Variants in TNFRSF10A observed in about 807,000 individuals in gnomAD.
The protein encoded by TNFRSF10A is tumor necrosis factor receptor superfamily member 10A.
TNFRSF10A carries 44 observed loss-of-function variants against 42.8 expected under a neutral mutation model. That is an observed-to-expected ratio of 1.03 (90% CI 0.81 to 1.32). The LOEUF is 1.32. TNFRSF10A is among the 40% of genes most tolerant of loss of function. The pLI is 0.00. For synonymous variants in TNFRSF10A, 259 were observed against 234.2 expected, an observed-to-expected ratio of 1.11 and a Z score of -0.97; for missense variants, 680 against 602.0, an observed-to-expected ratio of 1.13 and a Z score of -1.36.
intron 6 of TNFRSF10A, 148 bp from the exon 7 acceptor site, chr8:23,200,065 CTCGGGA>C (rs1224772058): frequency 2.2e-6 from 2 of 901,168 alleles, no homozygotes; most frequent in East Asian, 5.0e-5. Flanking sequence ...GCCCTGCTAA[CTCGGGA>C]GATCCTTCAG....
At chr8:23,196,385 A>T (rs1234694925) in intron 9 of TNFRSF10A, among the ~76,000 whole-genome samples, 1 of 152,006 alleles carries the variant, frequency 6.6e-6, no homozygotes, top group Non-Finnish European at 1.5e-5. Flanking sequence ...TTTAGTACAG[A>T]AGGGGTTTCA....
intron 9 of TNFRSF10A, among the ~76,000 whole-genome samples, chr8:23,195,051 C>T (rs1313517699): frequency 2.0e-5 from 3 of 152,172 alleles, no homozygotes; most frequent in African/African-American, 7.2e-5. Flanking sequence ...CCCAGCTACT[C>T]AGGAGGCTGA....
chr8:23,215,618 G>T (rs1400967225), intron 1 of TNFRSF10A, among the ~76,000 whole-genome samples: 2 of 152,050 alleles, frequency 1.3e-5, no homozygotes, highest in Admixed American at 1.3e-4. Context: ...TATTTCTTGT[G>T]GCTATTTTGC....
intron 1 of TNFRSF10A, among the ~76,000 whole-genome samples, chr8:23,221,865 C>T (rs1041421764): frequency 6.6e-6 from 1 of 151,390 alleles, no homozygotes; most frequent in African/African-American, 2.4e-5. Flanking sequence ...GGGACACGGG[C>T]ACGCTTGTGT....
intron 9 of TNFRSF10A, among the ~76,000 whole-genome samples, chr8:23,192,384 C>T (rs914652011): frequency 7.2e-5 from 11 of 152,184 alleles, no homozygotes; most frequent in African/African-American, 1.7e-4. Flanking sequence ...GCCTGGGCTG[C>T]GCTTGTCATG....
intron 2 of TNFRSF10A, among the ~76,000 whole-genome samples, chr8:23,203,912 G>T (rs1734197801): frequency 6.6e-6 from 1 of 152,032 alleles, no homozygotes; most frequent in African/African-American, 2.4e-5. Context: ...GAGTAGCTGG[G>T]ACTACAGGAG....
intron 1 of TNFRSF10A, among the ~76,000 whole-genome samples, chr8:23,223,167 G>A (rs1313165879): frequency 3.3e-5 from 5 of 152,216 alleles, no homozygotes; most frequent in Admixed American, 2.0e-4. Context: ...CCAGGTTCAC[G>A]CCATTCTCCC....
At chr8:23,214,229 T>C (rs1801142187) in intron 1 of TNFRSF10A, among the ~76,000 whole-genome samples, 1 of 152,176 alleles carries the variant, frequency 6.6e-6, no homozygotes, top group Non-Finnish European at 1.5e-5. Context: ...GGCTCATGCC[T>C]GTAATCCCAG....
intron 3 of TNFRSF10A, among the ~76,000 whole-genome samples, chr8:23,202,229 G>A (rs1028032953): frequency 3.3e-5 from 5 of 152,250 alleles, no homozygotes; most frequent in African/African-American, 4.8e-5. Flanking sequence ...TCTGCAAGAA[G>A]AGGAGCCCTT....
intron 4 of TNFRSF10A, among the ~76,000 whole-genome samples, 183 bp from the exon 5 acceptor site, chr8:23,200,943 G>A (rs1269495161): frequency 1.3e-5 from 2 of 152,182 alleles, no homozygotes; most frequent in Non-Finnish European, 2.9e-5. Flanking sequence ...GTCTGAGCAT[G>A]CACACTTTAC....
At chr8:23,199,544 A>G in intron 7 of TNFRSF10A, 96 bp from the exon 8 acceptor site, 1 of 1,439,836 alleles carries the variant, frequency 6.9e-7, no homozygotes. Context: ...ACCCCCTCCC[A>G]GTGAGGTCAC....
intron 2 of TNFRSF10A, among the ~76,000 whole-genome samples, chr8:23,208,004 G>A (rs1174523382): frequency 2.6e-5 from 4 of 152,088 alleles, no homozygotes; most frequent in Non-Finnish European, 4.4e-5. Flanking sequence ...CTGCATAACA[G>A]GCAGAGGTTG....
chr8:23,224,790 G>C lies in TNFRSF10A; in HGVS notation c.272C>G (p.Thr91Ser). 1.3e-6 allele frequency: 2 copies of C among 1,569,758 alleles called. No homozygotes were observed. Among genetic ancestry groups the C allele is most frequent in the Non-Finnish European group, 1.7e-6 (2 of 1,157,566 alleles). The change falls in exon 1 of 10, where the codon ACC (threonine) becomes AGC (serine). Residue 91 changes from threonine to serine, a missense_variant. By Grantham distance (58) the Thr-to-Ser change is moderately conservative. Coordinates refer to ENST00000221132, the MANE Select transcript of TNFRSF10A (RefSeq NM_003844.4). Reference sequence around the variant, plus strand: ...GACCCCGACGACGACAAACTTGAAGGTCTTGTGGACCCGGAGCCGAGGGCT... The same window carrying C: ...GACCCCGACGACGACAAACTTGAAGCTCTTGTGGACCCGGAGCCGAGGGCT... The part of the protein sequence containing the change: ...EASPRLRVHK[T>S]FKFVVVGVLL...
intron 6 of TNFRSF10A, 26 bp downstream of exon 6, chr8:23,200,479 A>G: frequency 6.2e-7 from 1 of 1,612,724 alleles, no homozygotes; most frequent in South Asian, 1.1e-5. Context: ...GAGTGCCCAG[A>G]GCCCTTGCCC....
At chr8:23,211,194 C>A (rs1801087681) in intron 2 of TNFRSF10A, among the ~76,000 whole-genome samples, 1 of 152,038 alleles carries the variant, frequency 6.6e-6, no homozygotes, top group Non-Finnish European at 1.5e-5. Context: ...GAATAACAAA[C>A]AAGTTCTGCA....
intron 2 of TNFRSF10A, among the ~76,000 whole-genome samples, chr8:23,206,452 C>T (rs1039728408): frequency 1.8e-4 from 27 of 152,166 alleles, no homozygotes; most frequent in African/African-American, 5.6e-4. Context: ...TTTTATTGGG[C>T]CTTTTCTATG....
chr8:23,199,404 C>G lies in TNFRSF10A; in HGVS notation c.876G>C (p.Glu292Asp). 6.2e-7 allele frequency: 1 copy of G among 1,614,026 alleles called. No homozygotes were observed. The change falls in exon 8 of 10, where the codon GAG becomes GAC. Residue 292 changes from glutamate to aspartate, a missense_variant. Transcript: ENST00000221132. The stretch of plus-strand genomic sequence containing the variant: ...TCAGAATCTCGTTGTGAGCATTGTC[C>G]TCAGCCCCAGGCCCTCGTAGGAGAC... The part of the protein sequence containing the change: ...RLGLLRGPGA[E>D]DNAHNEILSN...
intron 8 of TNFRSF10A, among the ~76,000 whole-genome samples, chr8:23,198,184 AGGGGTT>A (rs1800850996): frequency 6.6e-6 from 1 of 152,308 alleles, no homozygotes; most frequent in African/African-American, 2.4e-5. Flanking sequence ...GGCAGCTCAA[AGGGGTT>A]GGAAAAACCA....
At chr8:23,197,309 C>T in intron 8 of TNFRSF10A, 105 bp from the exon 9 acceptor site, 1 of 1,349,928 alleles carries the variant, frequency 7.4e-7, no homozygotes, top group Admixed American at 1.7e-5. Flanking sequence ...CATCACTTTC[C>T]CCCTTGGGTC....
Sources: gnomAD v4.1 joint callset for allele counts (sites outside exome capture counted in the v4.1 genomes callset) on GRCh38, gnomAD v4.1.1 for gene constraint, MANE v1.5 for transcripts, NCBI Gene and HGNC (gene_info 2026-07-23, HGNC 2026-07-21) for gene names.